Variants in GPC5 observed in about 807,000 individuals in gnomAD.
GPC5 encodes glypican-5.
Under a neutral mutation model 53.9 loss-of-function variants are expected in GPC5, and 47 were observed. The ratio of observed to expected loss-of-function variants is 0.87; its 90% CI spans 0.69 to 1.11. GPC5 has a LOEUF of 1.11. Ranked by LOEUF, GPC5 falls within the 50% of genes most tolerant of loss-of-function variation. GPC5 has a pLI of 0.00. For synonymous variants in GPC5, 286 were observed against 263.3 expected (o/e 1.09, Z -0.84); for missense variants, 748 against 713.1 (o/e 1.05, Z -0.56).
chr13:92,161,702 T>C (rs574209209), intron 7 of GPC5, among the ~76,000 whole-genome samples: 1 of 151,802 alleles, frequency 6.6e-6, no homozygotes, highest in African/African-American at 2.4e-5. Flanking sequence ...TGCGTGAAAA[T>C]TAATAATCCG....
chr13:92,594,720 T>A (rs930142219), intron 7 of GPC5, among the ~76,000 whole-genome samples: 6 of 152,178 alleles, frequency 3.9e-5, no homozygotes, highest in Non-Finnish European at 5.9e-5. Context: ...AACTCTGTCA[T>A]GTTTACAAAA....
chr13:92,563,167 A>G (rs1882750013), intron 7 of GPC5, among the ~76,000 whole-genome samples: 1 of 152,002 alleles, frequency 6.6e-6, no homozygotes, highest in South Asian at 2.1e-4. Context: ...TTCTTGCTGT[A>G]TTTCATCTGT....
chr13:91,404,822 A>C (rs1877199651), intron 1 of GPC5, among the ~76,000 whole-genome samples: 1 of 152,264 alleles, frequency 6.6e-6, no homozygotes, highest in Non-Finnish European at 1.5e-5. Flanking sequence ...TTTACCATCC[A>C]GAAATAACCA....
At chr13:92,710,801 A>G (rs1888108840) in intron 7 of GPC5, among the ~76,000 whole-genome samples, 1 of 152,196 alleles carries the variant, frequency 6.6e-6, no homozygotes, top group Non-Finnish European at 1.5e-5. Flanking sequence ...TGAACTATAA[A>G]AGCAAATAAG....
chr13:92,058,898 G>A (rs1267928721), intron 6 of GPC5, among the ~76,000 whole-genome samples: 2 of 152,112 alleles, frequency 1.3e-5, no homozygotes, highest in Non-Finnish European at 2.9e-5. Flanking sequence ...AAATGTTAAG[G>A]TCTTTCATCC....
intron 7 of GPC5, among the ~76,000 whole-genome samples, chr13:92,346,996 C>G (rs955110265): frequency 1.3e-5 from 2 of 151,780 alleles, no homozygotes; most frequent in South Asian, 2.1e-4. Context: ...ATCAAAGGAG[C>G]CAAAAGACAA....
chr13:92,795,589 G>A (rs1313526525), intron 7 of GPC5, among the ~76,000 whole-genome samples: 1 of 152,094 alleles, frequency 6.6e-6, no homozygotes, highest in Admixed American at 6.6e-5. Context: ...AGAGTGAACA[G>A]GCAACCTACA....
chr13:92,329,291 A>G (rs1566541349), intron 7 of GPC5, among the ~76,000 whole-genome samples: 1 of 152,126 alleles, frequency 6.6e-6, no homozygotes, highest in African/African-American at 2.4e-5. Flanking sequence ...GCTTTTACTC[A>G]TGGTGAAAGA....
In GPC5 at chr13:91,525,583, G is replaced by A. The variant is rs188757490; in HGVS notation, c.325+76661G>A. On this transcript the variant is annotated intron_variant, in intron 2 of 7. Transcript: ENST00000377067. ...CACCTCTTTCTGACAATTATTTGTG[G>A]CATTTCCACAGAGGTATGGGATAAA... Among the ~76,000 whole-genome samples, 9 of 152,216 alleles carry A rather than the reference G, an allele frequency of 5.9e-5. No individual in the cohort carries two copies. The East Asian group carries it at 7.7e-4, about 13-fold the overall frequency.
intron 2 of GPC5, among the ~76,000 whole-genome samples, chr13:91,652,863 G>T (rs1455642199): frequency 6.6e-6 from 1 of 152,146 alleles, no homozygotes; most frequent in Non-Finnish European, 1.5e-5. Flanking sequence ...TTAGGAATAA[G>T]CAGGCTTCCT....
At chr13:91,895,928 C>T (rs1292668926) in intron 5 of GPC5, among the ~76,000 whole-genome samples, 1 of 151,900 alleles carries the variant, frequency 6.6e-6, no homozygotes, top group Non-Finnish European at 1.5e-5. Context: ...TATTTCTCAC[C>T]TCTTTGAGCT....
At chr13:92,329,466 G>T (rs1426684759) in intron 7 of GPC5, among the ~76,000 whole-genome samples, 2 of 152,030 alleles carry the variant, frequency 1.3e-5, no homozygotes, top group African/African-American at 4.8e-5. Context: ...TTACTGCCAT[G>T]ATCCAATCAC....
At chr13:91,462,975 G>A (rs900698376) in intron 2 of GPC5, among the ~76,000 whole-genome samples, 1 of 151,852 alleles carries the variant, frequency 6.6e-6, no homozygotes, top group Non-Finnish European at 1.5e-5. Context: ...TTTAATGATT[G>A]GTACCACTGT....
At chr13:92,517,072 C>G (rs1880818913) in intron 7 of GPC5, among the ~76,000 whole-genome samples, 1 of 152,096 alleles carries the variant, frequency 6.6e-6, no homozygotes, top group African/African-American at 2.4e-5. Flanking sequence ...CACGGAGCCT[C>G]AATCATTGCT....
chr13:91,813,632 A>G (rs1442714218), intron 5 of GPC5, among the ~76,000 whole-genome samples: 1 of 152,158 alleles, frequency 6.6e-6, no homozygotes, highest in Non-Finnish European at 1.5e-5. Context: ...TTAGGAATGA[A>G]GTTTGCCGAG....
intron 7 of GPC5, among the ~76,000 whole-genome samples, chr13:92,719,626 C>T (rs1030073230): frequency 5.3e-5 from 8 of 152,090 alleles, no homozygotes; most frequent in African/African-American, 1.9e-4. Context: ...AAAATCCTAA[C>T]AAGTATATAG....
At chr13:91,969,205 G>T (rs923641285) in intron 6 of GPC5, among the ~76,000 whole-genome samples, 1 of 152,044 alleles carries the variant, frequency 6.6e-6, no homozygotes. Flanking sequence ...CTGACCTCAT[G>T]ATCCTCTTGC....
Position 92,432,621 on chromosome 13 carries a change from C to T in GPC5, c.1561+287632C>T, listed in dbSNP as rs1162895145. Among the ~76,000 whole-genome samples the T allele has an allele frequency of 3.3e-5, 5 of 151,620 alleles. 1 individual carries two copies. Among genetic ancestry groups the T allele is most frequent in the South Asian group, 2.1e-4 (1 of 4,794 alleles). On this transcript the variant is annotated intron_variant, in intron 7 of 7. Transcript: ENST00000377067. ...TGATCTCCTGACCTCGTGATCTGCC[C>T]GCCTCCGCCTCCCAAAATGCTGGGA...
At chr13:92,768,845 C>T (rs1042520356) in intron 7 of GPC5, among the ~76,000 whole-genome samples, 2 of 151,778 alleles carry the variant, frequency 1.3e-5, no homozygotes, top group African/African-American at 4.8e-5. Flanking sequence ...TATCTTCTCC[C>T]TAAACCTCTG....
Sources: allele counts gnomAD v4.1 joint callset (sites outside exome capture counted in the v4.1 genomes callset), GRCh38; gene constraint gnomAD v4.1.1; transcripts MANE v1.5; gene names NCBI Gene and HGNC (gene_info 2026-07-23, HGNC 2026-07-21).